ALPK1: variants seen among roughly 807,000 people sequenced by gnomAD.
The protein encoded by ALPK1 is alpha kinase 1.
Under a neutral mutation model 120.6 loss-of-function variants are expected in ALPK1, and 110 were observed. The observed-to-expected ratio is 0.91, with a 90% CI of 0.78 to 1.07. The LOEUF is 1.07. Among genes scored for constraint, ALPK1 ranks in the 50% least tolerant of loss-of-function variants. ALPK1 has a pLI of 0.00. For missense variants in ALPK1, 1,498 were observed against 1,483.9 expected, an observed-to-expected ratio of 1.01 and a Z score of -0.16; for synonymous variants, 582 against 560.3, an observed-to-expected ratio of 1.04 and a Z score of -0.55.
intron 4 of ALPK1, chr4:112,411,106 G>A (rs1274078668): frequency 6.5e-6 from 1 of 154,858 alleles, no homozygotes; most frequent in African/African-American, 2.4e-5. Flanking sequence ...AAAAGGATAG[G>A]CGTTCTGGAA....
chr4:112,307,691 C>G (rs181342912), intron 1 of ALPK1, among the ~76,000 whole-genome samples: 158 of 152,208 alleles, frequency 1.0e-3, no homozygotes, highest in Middle Eastern at 3.4e-3. Context: ...TGGGTCTTGA[C>G]TCCTTATCCA....
rs570932354 is a variant in ALPK1 at position 112,369,003 on chromosome 4, G to A, written c.-100-8675G>A. On this transcript the variant is annotated intron_variant, in intron 2 of 15. Coordinates refer to ENST00000650871, the MANE Select transcript of ALPK1 (RefSeq NM_025144.4). Reference sequence around the variant, plus strand: ...GCAACGGCTAGCTTCTATATTGCAGGTAACTTTTTAGGTTTCAGCCTTTAC... The same window carrying A: ...GCAACGGCTAGCTTCTATATTGCAGATAACTTTTTAGGTTTCAGCCTTTAC... 2.4e-5 allele frequency among the ~76,000 whole-genome samples: 3 copies of A among 125,186 alleles called. No individual in the cohort carries two copies. In the East Asian group the frequency reaches 7.2e-4, roughly 30 times the overall value. 82.1% of individuals were successfully genotyped at this position (125,186 alleles called of 152,430 possible).
intron 1 of ALPK1, among the ~76,000 whole-genome samples, chr4:112,305,257 T>G (rs1727985949): frequency 6.6e-6 from 1 of 152,068 alleles, no homozygotes; most frequent in Non-Finnish European, 1.5e-5. Context: ...CCATATGAAC[T>G]TTAAAGTAGT....
intron 4 of ALPK1, among the ~76,000 whole-genome samples, chr4:112,394,490 G>A (rs1374736520): frequency 6.6e-6 from 1 of 152,114 alleles, no homozygotes; most frequent in African/African-American, 2.4e-5. Flanking sequence ...CCAAGAGAAT[G>A]GAGCTTTGGA....
intron 4 of ALPK1, among the ~76,000 whole-genome samples, chr4:112,403,551 C>T (rs1263936824): frequency 6.6e-6 from 1 of 152,122 alleles, no homozygotes; most frequent in Non-Finnish European, 1.5e-5. Flanking sequence ...TGCGGGGATG[C>T]CAGGTCCTCC....
intron 2 of ALPK1, chr4:112,359,188 C>A: frequency 3.3e-6 from 2 of 612,408 alleles, no homozygotes; most frequent in African/African-American, 1.8e-5. Flanking sequence ...CCCAGGCCAC[C>A]CCCCACAGGA....
chr4:112,423,865 G>C, intron 5 of ALPK1, 79 bp from the exon 6 acceptor site: 1 of 1,407,842 alleles, frequency 7.1e-7, no homozygotes, highest in African/African-American at 1.4e-5. Context: ...CAATATATCA[G>C]TCTTAGAACA....
chr4:112,358,081 CT>C (rs1345024179), intron 2 of ALPK1: 9 of 583,616 alleles, frequency 1.5e-5, no homozygotes, highest in African/African-American at 7.3e-5. Flanking sequence ...CATGGACCCC[CT>C]GGTTGTCCTT....
intron 5 of ALPK1, among the ~76,000 whole-genome samples, chr4:112,423,473 A>T (rs1422314772): frequency 6.6e-6 from 1 of 152,218 alleles, no homozygotes. Context: ...TGTCCATAGA[A>T]TAGGCCCTTC....
At chr4:112,439,619 T>G (rs1734941831) in intron 13 of ALPK1, 67 bp from the exon 14 acceptor site, 1 of 1,423,090 alleles carries the variant, frequency 7.0e-7, no homozygotes. Flanking sequence ...CAAACCAAGA[T>G]TTACCCAAGT....
At position 112,442,035 on chromosome 4, in the gene ALPK1, C is replaced by A. The variant is rs533991311; in HGVS notation, c.*825C>A. 6.5e-6 allele frequency: 1 copy of A among 153,042 alleles called. No individual in the cohort carries two copies. The highest frequency in any genetic ancestry group is 1.5e-5 in the Non-Finnish European group (1 of 68,722). The allele number at this position is 153,042 out of a possible 1,614,324, so 9.5% of individuals were successfully genotyped here. A position where few individuals can be genotyped will look rare whatever the true frequency, so the allele number is the denominator to read the frequency against. On this transcript the variant is annotated 3_prime_UTR_variant, in exon 16 of 16. Coordinates refer to ENST00000650871, the MANE Select transcript of ALPK1 (RefSeq NM_025144.4). ...GGCTGGGGAGACCTCAGGAAACTTA[C>A]AATCATGGCAGAAGGCACCTCTTCA...
Position 112,331,473 on chromosome 4 carries a change from T to G in ALPK1, c.-101+15621T>G, listed in dbSNP as rs567111989. Among the ~76,000 whole-genome samples the G allele has an allele frequency of 3.3e-4, 50 of 152,330 alleles. No homozygotes were observed. The South Asian group carries it at 8.9e-3, about 27-fold the overall frequency. The stretch of plus-strand genomic sequence containing the variant: ...CCAACCTTTCAGCTCTGTCTTTGAA[T>G]TGCACTGTGATTATCTTTCCTTGCA... On this transcript the variant is annotated intron_variant, in intron 2 of 15. Coordinates refer to ENST00000650871, the MANE Select transcript of ALPK1 (RefSeq NM_025144.4).
intron 4 of ALPK1, among the ~76,000 whole-genome samples, chr4:112,391,982 G>A (rs1033859499): frequency 7.3e-5 from 11 of 151,094 alleles, no homozygotes; most frequent in African/African-American, 2.7e-4. Flanking sequence ...AAAAAAAACA[G>A]AATTTGTTCA....
rs142003208 is a variant in ALPK1 at position 112,341,974 on chromosome 4, T to C, written c.-101+26122T>C. On this transcript the variant is annotated intron_variant, in intron 2 of 15. Coordinates refer to ENST00000650871, the MANE Select transcript of ALPK1 (RefSeq NM_025144.4). ...TGTGGAGAAAGAGCAAGAGACTTCT[T>C]TGTTGACCAACAATTTGACTTCCTC... Among the ~76,000 whole-genome samples, 28 of 152,334 alleles carry C rather than the reference T, an allele frequency of 1.8e-4. No homozygotes were observed. In the East Asian group the frequency reaches 5.4e-3, roughly 29 times the overall value.
In ALPK1 at chr4:112,430,880, A is replaced by G; in HGVS notation, c.1333A>G (p.Ile445Val). ...TTTCGAGTGCAGGTTGGATAAACTTATCTTGCATGGGCAAGGGGATTTCCA... is the reference window on the plus strand; with the variant it reads ...TTTCGAGTGCAGGTTGGATAAACTTGTCTTGCATGGGCAAGGGGATTTCCA... Reference protein sequence around the residue: ...ESFECRLDKLILHGQGDFQKI... With the variant: ...ESFECRLDKLVLHGQGDFQKI... Residue 445 changes from isoleucine (I) to valine (V), a missense_variant, in exon 11 of 16, where the codon ATC becomes GTC. Coordinates refer to ENST00000650871, the MANE Select transcript of ALPK1 (RefSeq NM_025144.4). 1 of 1,614,204 alleles carries G rather than the reference A, an allele frequency of 6.2e-7. No individual in the cohort carries two copies. Among genetic ancestry groups the G allele is most frequent in the Non-Finnish European group, 8.5e-7 (1 of 1,179,998 alleles).
intron 2 of ALPK1, among the ~76,000 whole-genome samples, chr4:112,354,903 A>G (rs1379679709): frequency 6.6e-6 from 1 of 152,148 alleles, no homozygotes; most frequent in Admixed American, 6.6e-5. Flanking sequence ...TTATTCTTGA[A>G]CTGTTTTTCC....
intron 2 of ALPK1, among the ~76,000 whole-genome samples, chr4:112,376,411 G>C (rs1341960076): frequency 6.6e-6 from 1 of 152,174 alleles, no homozygotes; most frequent in Non-Finnish European, 1.5e-5. Context: ...GTGTGTGTGT[G>C]TGTTTAAACA....
At chr4:112,307,201 G>A (rs1728113775) in intron 1 of ALPK1, among the ~76,000 whole-genome samples, 1 of 152,146 alleles carries the variant, frequency 6.6e-6, no homozygotes, top group Admixed American at 6.5e-5. Context: ...TAAGTGTGAT[G>A]TGGTGCTGAG....
In ALPK1 at chr4:112,438,525, A is replaced by G; in HGVS notation, c.3230A>G (p.His1077Arg). ...KDYKEQKGLW[H>R]HFTDVERQMT... The stretch of plus-strand genomic sequence containing the variant: ...TATAAGGAGCAGAAGGGGCTCTGGC[A>G]CCACTTCACTGATGTGGAGCGACAG... Residue 1077 changes from histidine (H) to arginine (R), a missense_variant, in exon 13 of 16, where the codon CAC (histidine) becomes CGC (arginine). His to Arg is a conservative substitution (Grantham distance 29). Coordinates refer to ENST00000650871, the MANE Select transcript of ALPK1 (RefSeq NM_025144.4). 6.2e-7 allele frequency: 1 copy of G among 1,613,784 alleles called. No homozygotes were observed. Among genetic ancestry groups the G allele is most frequent in the Non-Finnish European group, 8.5e-7 (1 of 1,179,782 alleles).
Sources: gnomAD v4.1 joint callset for allele counts (sites outside exome capture counted in the v4.1 genomes callset) on GRCh38, gnomAD v4.1.1 for gene constraint, MANE v1.5 for transcripts, NCBI Gene and HGNC (gene_info 2026-07-23, HGNC 2026-07-21) for gene names.